GPR39: variants seen among roughly 807,000 people sequenced by gnomAD.
GPR39 encodes G protein-coupled receptor 39.
In GPR39, 23 loss-of-function variants were observed where a neutral mutation model predicts 18.4. The observed-to-expected ratio is 1.25, with a 90% confidence interval of 0.90 to 1.77. The LOEUF is 1.77. Among genes scored for constraint, GPR39 ranks in the 40% most tolerant of loss-of-function variants. GPR39 has a pLI of 0.00. For missense variants in GPR39, 647 were observed against 602.4 expected (o/e 1.07, Z -0.78); for synonymous variants, 280 against 257.9 (o/e 1.09, Z -0.82).
At chr2:132,586,111 A>C (rs568266026) in intron 1 of GPR39, among the ~76,000 whole-genome samples, 1 of 151,978 alleles carries the variant, frequency 6.6e-6, no homozygotes, top group South Asian at 2.1e-4. Context: ...GGGCTAATGC[A>C]TATGTTAATA....
chr2:132,633,644 A>G (rs867658986), intron 1 of GPR39, among the ~76,000 whole-genome samples: 5 of 152,182 alleles, frequency 3.3e-5, no homozygotes, highest in Middle Eastern at 3.4e-3. Flanking sequence ...GGTGACAGTG[A>G]TGATGGTGGT....
intron 1 of GPR39, among the ~76,000 whole-genome samples, chr2:132,643,582 T>A (rs532391255): frequency 5.6e-4 from 85 of 152,356 alleles, no homozygotes; most frequent in African/African-American, 2.0e-3. Flanking sequence ...GGCACATTCG[T>A]GTCTCACTGT....
chr2:132,561,690 G>A (rs1391250011), intron 1 of GPR39, among the ~76,000 whole-genome samples: 2 of 152,090 alleles, frequency 1.3e-5, no homozygotes. Context: ...ATACCCAGGA[G>A]AGCAAAGGGT....
intron 1 of GPR39, among the ~76,000 whole-genome samples, chr2:132,569,211 CAAG>C (rs1680401537): frequency 6.6e-6 from 1 of 152,030 alleles, no homozygotes; most frequent in African/African-American, 2.4e-5. Flanking sequence ...GAAAGAATAA[CAAG>C]AGAGATGTTT....
rs759743275 is a variant in GPR39, at chr2:132,570,468, T to G, written c.857-74633T>G. Among the ~76,000 whole-genome samples, 41 of 152,188 alleles carry G rather than the reference T, an allele frequency of 2.7e-4. 1 individual carries two copies. The highest frequency in any genetic ancestry group is 1.1e-3 in the Admixed American group (17 of 15,288). On this transcript the variant is annotated intron_variant, in intron 1 of 1. Coordinates refer to ENST00000329321, the MANE Select transcript of GPR39 (RefSeq NM_001508.3). The stretch of plus-strand genomic sequence containing the variant: ...TAATTCCATATCCCCCTCCTGCCTT[T>G]TCAGGAGTCTTGCTGATCAGTCATA...
intron 1 of GPR39, among the ~76,000 whole-genome samples, chr2:132,475,779 A>G (rs185322797): frequency 3.3e-4 from 50 of 152,302 alleles, no homozygotes; most frequent in African/African-American, 1.2e-3. Context: ...GAATCTTTGC[A>G]CTTTTAGAAT....
In GPR39 at chr2:132,490,597, A is replaced by G. The variant is rs1681438136; in HGVS notation, c.856+72699A>G. Among the ~76,000 whole-genome samples, 3 of 152,052 alleles carry G rather than the reference A, an allele frequency of 2.0e-5. No individual in the cohort carries two copies. In the South Asian group the frequency reaches 6.2e-4, roughly 32 times the overall value. On this transcript the variant is annotated intron_variant, in intron 1 of 1. Transcript: ENST00000329321. Reference sequence around the variant, plus strand: ...ACCTAGAGCATGCCGATCGCTGGTGAATGCTACAAAGAACAAGCATTAAGT... The same window carrying G: ...ACCTAGAGCATGCCGATCGCTGGTGGATGCTACAAAGAACAAGCATTAAGT...
intron 1 of GPR39, among the ~76,000 whole-genome samples, chr2:132,419,680 C>T (rs935874181): frequency 1.3e-5 from 2 of 152,152 alleles, no homozygotes; most frequent in Non-Finnish European, 1.5e-5. Flanking sequence ...TAAATATTCC[C>T]TTAGGCATAT....
chr2:132,492,023 C>CAT, intron 1 of GPR39, among the ~76,000 whole-genome samples: 1 of 147,816 alleles, frequency 6.8e-6, no homozygotes, highest in Non-Finnish European at 1.5e-5. Context: ...ATACACAGCA[C>CAT]ATATATATAC....
chr2:132,434,739 C>G (rs1680282066), intron 1 of GPR39, among the ~76,000 whole-genome samples: 1 of 152,136 alleles, frequency 6.6e-6, no homozygotes, highest in Non-Finnish European at 1.5e-5. Context: ...ACAATAAATT[C>G]CTGGTGGAGA....
rs779437092 is a variant in GPR39 at position 132,646,092 on chromosome 2, T to G, written c.*486T>G. The G allele has an allele frequency of 2.6e-5, 41 of 1,604,772 alleles. No individual in the cohort carries two copies. In the East Asian group the frequency reaches 9.2e-4, roughly 36 times the overall value. On this transcript the variant is annotated 3_prime_UTR_variant, in exon 2 of 2. Transcript: ENST00000329321. ...GCTAATTTGAGGAACAGGATGGTGG[T>G]GCGGAGCCCTGGCCTGAGGGCCGAG...
At chr2:132,567,898 T>C (rs889860778) in intron 1 of GPR39, among the ~76,000 whole-genome samples, 2 of 152,164 alleles carry the variant, frequency 1.3e-5, no homozygotes, top group Admixed American at 6.5e-5. Context: ...ACAAGCGCTC[T>C]TCTCTTGTCT....
At chr2:132,529,865 T>C (rs1679580186) in intron 1 of GPR39, among the ~76,000 whole-genome samples, 1 of 151,952 alleles carries the variant, frequency 6.6e-6, no homozygotes, top group African/African-American at 2.4e-5. Flanking sequence ...GTCACCATCA[T>C]CAAAGACCAA....
intron 1 of GPR39, among the ~76,000 whole-genome samples, chr2:132,478,584 G>A (rs180695299): frequency 6.6e-6 from 1 of 152,302 alleles, no homozygotes; most frequent in East Asian, 1.9e-4. Context: ...CAGTCAGGAG[G>A]GACCTCATGG....
intron 1 of GPR39, among the ~76,000 whole-genome samples, chr2:132,548,986 GTATGTGTA>G (rs1473313974): frequency 3.9e-5 from 6 of 152,202 alleles, no homozygotes; most frequent in Admixed American, 3.9e-4. Flanking sequence ...ACGTGTGTGT[GTATGTGTA>G]TATGTATTCT....
intron 1 of GPR39, among the ~76,000 whole-genome samples, chr2:132,577,720 T>C (rs1680553753): frequency 2.0e-5 from 3 of 152,228 alleles, no homozygotes; most frequent in East Asian, 1.9e-4. Context: ...ACTTTTTTTG[T>C]GTTGACCTTG....
intron 1 of GPR39, among the ~76,000 whole-genome samples, chr2:132,481,239 C>A (rs531051661): frequency 6.6e-6 from 1 of 152,086 alleles, no homozygotes; most frequent in South Asian, 2.1e-4. Flanking sequence ...GTATTCGTGT[C>A]GGTGCTCTAT....
intron 1 of GPR39, among the ~76,000 whole-genome samples, chr2:132,617,802 C>T (rs777901208): frequency 6.6e-6 from 1 of 152,274 alleles, no homozygotes; most frequent in Admixed American, 6.5e-5. Context: ...AAACACAGGC[C>T]ACACAGCTTA....
chr2:132,644,591 C>G (rs1262125686), intron 1 of GPR39, among the ~76,000 whole-genome samples: 3 of 152,214 alleles, frequency 2.0e-5, no homozygotes, highest in African/African-American at 7.2e-5. Context: ...AAACCAGTGT[C>G]ATTAAATATG....
Sources: allele counts gnomAD v4.1 joint callset (sites outside exome capture counted in the v4.1 genomes callset), GRCh38; gene constraint gnomAD v4.1.1; transcripts MANE v1.5; gene names NCBI Gene and HGNC (gene_info 2026-07-23, HGNC 2026-07-21).